The following RPTOR variants were observed in gnomAD, a reference collection of about 807,000 sequenced individuals.
RPTOR encodes the protein regulatory associated protein of MTOR complex 1.
A neutral mutation model predicts 169.9 loss-of-function variants in RPTOR; 21 were observed. The observed-to-expected ratio is 0.12, with a 90% confidence interval of 0.09 to 0.18. The LOEUF (loss-of-function observed/expected upper bound fraction) is 0.18. RPTOR is among the 10% of genes least tolerant of loss of function. The pLI is 1.00. For missense variants in RPTOR, 1,133 were observed against 1,855.9 expected, an observed-to-expected ratio of 0.61 and a Z score of 7.16; for synonymous variants, 732 against 753.2, an observed-to-expected ratio of 0.97 and a Z score of 0.46.
At chr17:80,743,791 C>CTACTAGCACTCTCCTGGT (rs1567887299) in intron 5 of RPTOR, among the ~76,000 whole-genome samples, 3 of 63,408 alleles carry the variant, frequency 4.7e-5, no homozygotes, top group South Asian at 7.1e-4. Flanking sequence ...AGAGCCCTGG[C>CTACTAGCACTCTCCTGGT]TACTAGCACA....
intron 1 of RPTOR, among the ~76,000 whole-genome samples, chr17:80,591,532 C>A (rs2065108003): frequency 6.6e-6 from 1 of 151,580 alleles, no homozygotes; most frequent in African/African-American, 2.4e-5. Context: ...GCGCACACCA[C>A]AACACCCAGC....
intron 13 of RPTOR, among the ~76,000 whole-genome samples, chr17:80,876,166 T>TCC (rs2068109579): frequency 8.1e-6 from 1 of 124,088 alleles, no homozygotes; most frequent in African/African-American, 3.5e-5. Flanking sequence ...ACCGAGCCCG[T>TCC]GCCACGCAGG....
intron 6 of RPTOR, among the ~76,000 whole-genome samples, chr17:80,771,470 GT>G (rs1216532416): frequency 6.6e-6 from 1 of 152,174 alleles, no homozygotes; most frequent in Non-Finnish European, 1.5e-5. Context: ...TCCAGGTGCA[GT>G]TAAGCTTCAG....
chr17:80,710,653 C>T (rs988056137), intron 4 of RPTOR, among the ~76,000 whole-genome samples: 7 of 149,996 alleles, frequency 4.7e-5, no homozygotes, highest in African/African-American at 1.5e-4. Context: ...GCTGGTGCTA[C>T]GTTGAATGAT....
rs1216107916 is a variant in RPTOR at position 80,659,477 on chromosome 17, A to G, written c.348+15667A>G. 2.0e-5 allele frequency among the ~76,000 whole-genome samples: 3 copies of G among 152,100 alleles called. No individual in the cohort carries two copies. Among genetic ancestry groups the G allele is most frequent in the African/African-American group, 7.2e-5 (3 of 41,422 alleles). On this transcript the variant is annotated intron_variant, in intron 3 of 33. Coordinates refer to ENST00000306801, the MANE Select transcript of RPTOR (RefSeq NM_020761.3). The surrounding 1 kb of genome is among the most constrained non-coding windows in gnomAD (Gnocchi z 4.3). ...CTCCTGAGTAGCTGGGACTACAGGTATGCGACACCATACCTGGCTAATTTT... is the reference window on the plus strand; with the variant it reads ...CTCCTGAGTAGCTGGGACTACAGGTGTGCGACACCATACCTGGCTAATTTT...
intron 11 of RPTOR, among the ~76,000 whole-genome samples, chr17:80,849,341 C>G (rs1335136583): frequency 1.3e-5 from 2 of 152,186 alleles, no homozygotes; most frequent in African/African-American, 4.8e-5. Flanking sequence ...GGGTCACGCA[C>G]GGTGTCTCAT....
At chr17:80,895,730 A>G (rs1410376134) in intron 20 of RPTOR, among the ~76,000 whole-genome samples, 2 of 152,156 alleles carry the variant, frequency 1.3e-5, no homozygotes, top group Non-Finnish European at 2.9e-5. Context: ...TCTAAAGCGC[A>G]GGCGCCCCCA....
At position 80,746,938 on chromosome 17, in the gene RPTOR, G is replaced by C. The variant is rs975356507; in HGVS notation, c.655-7072G>C. Among the ~76,000 whole-genome samples, 5 of 151,884 alleles carry C rather than the reference G, an allele frequency of 3.3e-5. No individual in the cohort carries two copies. The highest frequency in any genetic ancestry group is 7.4e-5 in the Non-Finnish European group (5 of 67,982). ...GTTTTTTAAAAATGCTAGGTTCTGG[G>C]TGGGTGCGGTGGGTCAGGCCTGTAA... On this transcript the variant is annotated intron_variant, in intron 5 of 33. Transcript: ENST00000306801. The surrounding 1 kb of genome is among the most constrained non-coding windows in gnomAD (Gnocchi z 4.5).
chr17:80,643,068 A>G (rs2065566038), intron 2 of RPTOR, among the ~76,000 whole-genome samples: 2 of 152,236 alleles, frequency 1.3e-5, no homozygotes, highest in South Asian at 2.1e-4. Context: ...TGAATTTCAC[A>G]TAGAGTAGAT....
At chr17:80,930,816 G>A (rs1297787983) in intron 24 of RPTOR, among the ~76,000 whole-genome samples, 1 of 152,222 alleles carries the variant, frequency 6.6e-6, no homozygotes, top group Non-Finnish European at 1.5e-5. Flanking sequence ...CGAGGCAGCA[G>A]GACAGCTTCC....
intron 21 of RPTOR, 132 bp downstream of exon 21, chr17:80,909,061 C>T (rs2068580391): frequency 2.9e-6 from 2 of 697,298 alleles, no homozygotes; most frequent in East Asian, 5.0e-5. Flanking sequence ...CAGCAAATAT[C>T]TTAAATCTGG....
chr17:80,582,484 T>C (rs1016940391), intron 1 of RPTOR, among the ~76,000 whole-genome samples: 2 of 151,314 alleles, frequency 1.3e-5, no homozygotes, highest in African/African-American at 4.9e-5. Context: ...CGCACATACA[T>C]GTGTGCATCT....
chr17:80,635,822 G>GTGAA (rs1410082724), intron 2 of RPTOR, among the ~76,000 whole-genome samples: 4 of 152,120 alleles, frequency 2.6e-5, no homozygotes, highest in African/African-American at 9.7e-5. Context: ...AGATGAGGTG[G>GTGAA]TGAAGCTTGT....
At chr17:80,629,609 C>A (rs1028154015) in intron 2 of RPTOR, among the ~76,000 whole-genome samples, 3 of 150,648 alleles carry the variant, frequency 2.0e-5, no homozygotes, top group South Asian at 2.1e-4. Flanking sequence ...ACTCAGCTCT[C>A]TATGTATTGC....
chr17:80,645,931 G>A (rs1261222002), intron 3 of RPTOR, among the ~76,000 whole-genome samples: 1 of 152,186 alleles, frequency 6.6e-6, no homozygotes, highest in African/African-American at 2.4e-5. Flanking sequence ...GTTAAAGTTG[G>A]CCAGATTTCA....
intron 20 of RPTOR, among the ~76,000 whole-genome samples, chr17:80,899,487 G>T (rs944705400): frequency 1.3e-5 from 2 of 152,212 alleles, no homozygotes; most frequent in African/African-American, 4.8e-5. Flanking sequence ...CCCGGCCACA[G>T]CTCCTGTGAA....
intron 1 of RPTOR, among the ~76,000 whole-genome samples, chr17:80,581,664 G>A (rs2065015528): frequency 6.7e-6 from 1 of 150,136 alleles, no homozygotes; most frequent in South Asian, 2.1e-4. Context: ...TCTCTGCAGT[G>A]GAGACTGCAC....
At chr17:80,897,566 C>A (rs1262514423) in intron 20 of RPTOR, among the ~76,000 whole-genome samples, 1 of 152,200 alleles carries the variant, frequency 6.6e-6, no homozygotes, top group African/African-American at 2.4e-5. Flanking sequence ...TGTGAAATAT[C>A]CTTGCATTTC....
chr17:80,697,961 C>G (rs2066051507), intron 3 of RPTOR, among the ~76,000 whole-genome samples: 1 of 152,032 alleles, frequency 6.6e-6, no homozygotes, highest in Non-Finnish European at 1.5e-5. Context: ...AGGGAGATGG[C>G]AGGAGCAGGA....
Sources: allele counts gnomAD v4.1 joint callset (sites outside exome capture counted in the v4.1 genomes callset), GRCh38; gene constraint gnomAD v4.1.1; non-coding constraint Gnocchi (gnomAD v3.1); transcripts MANE v1.5; gene names NCBI Gene and HGNC (gene_info 2026-07-23, HGNC 2026-07-21).